ABLIM2: variants seen among roughly 807,000 people sequenced by gnomAD.
ABLIM2 encodes actin-binding LIM protein 2.
A neutral mutation model predicts 97.7 loss-of-function variants in ABLIM2; 53 were observed. The ratio of observed to expected loss-of-function variants is 0.54; its 90% CI spans 0.44 to 0.68. The LOEUF (loss-of-function observed/expected upper bound fraction) is 0.68, where lower values mean the gene tolerates loss of function less well. Among genes scored for constraint, ABLIM2 ranks in the 30% least tolerant of loss-of-function variants. The pLI is 0.00. For missense variants in ABLIM2, 835 were observed against 867.2 expected, an observed-to-expected ratio of 0.96 and a Z score of 0.47; for synonymous variants, 361 against 345.8, an observed-to-expected ratio of 1.04 and a Z score of -0.49.
intron 9 of ABLIM2, 38 bp from the exon 10 acceptor site, chr4:8,036,333 C>T (rs1784436995): frequency 6.2e-7 from 1 of 1,606,612 alleles, no homozygotes; most frequent in African/African-American, 1.3e-5. Context: ...GGACAGTCAC[C>T]AGATGCACCC....
chr4:8,008,328 T>A, intron 15 of ABLIM2, 128 bp from the exon 16 acceptor site: 1 of 852,536 alleles, frequency 1.2e-6, no homozygotes, highest in Non-Finnish European at 1.8e-6. Flanking sequence ...GAAAACTCAA[T>A]ATGTGAGAGA....
intron 8 of ABLIM2, among the ~76,000 whole-genome samples, chr4:8,051,380 C>T (rs1795941647): frequency 1.5e-5 from 1 of 66,494 alleles, no homozygotes; most frequent in Non-Finnish European, 3.0e-5. Context: ...AACCCTGTCT[C>T]TACTAAAAAA....
intron 10 of ABLIM2, among the ~76,000 whole-genome samples, chr4:8,031,008 G>A (rs1051722819): frequency 5.9e-5 from 9 of 152,222 alleles, no homozygotes; most frequent in Non-Finnish European, 8.8e-5. Context: ...GGAGCCAAGC[G>A]GAGAAGCCAC....
intron 14 of ABLIM2, among the ~76,000 whole-genome samples, chr4:8,011,630 G>C (rs1221604381): frequency 1.3e-5 from 2 of 152,230 alleles, no homozygotes; most frequent in Non-Finnish European, 2.9e-5. Flanking sequence ...CTAACTTTGA[G>C]GCTAATTTGC....
intron 9 of ABLIM2, among the ~76,000 whole-genome samples, chr4:8,039,022 G>A (rs1292824998): frequency 6.6e-6 from 1 of 152,080 alleles, no homozygotes; most frequent in Admixed American, 6.5e-5. Context: ...CCTCCTCGAG[G>A]CTTCCTTCCC....
rs1716262091 is a variant in ABLIM2 at position 8,158,757 on chromosome 4, C to A, written c.-68G>T. ...GCCAGACCCTCGGGCCCGCAGGTGC[C>A]GCGCCCGCGCTATCCTCCGCCCGCC... On this transcript the variant is annotated 5_prime_UTR_variant, in exon 1 of 21. Coordinates refer to ENST00000447017, the MANE Select transcript of ABLIM2 (RefSeq NM_001130083.2). 2 of 1,306,490 alleles carry A rather than the reference C, an allele frequency of 1.5e-6. No individual in the cohort carries two copies. The highest frequency in any genetic ancestry group is 2.1e-5 in the South Asian group (1 of 46,630). The allele number at this position is 1,306,490 out of a possible 1,614,324, so 80.9% of individuals were successfully genotyped here.
rs1159471302 is a variant in ABLIM2 at position 8,032,007 on chromosome 4, G to T, written c.1048-2231C>A. On this transcript the variant is annotated intron_variant, in intron 10 of 20. Transcript: ENST00000447017. This position sits in a 1 kb window ranked among gnomAD's most constrained non-coding sequence, Gnocchi z 4.3. ...CTCCCAAAGTGCTGGGATTACAGGT[G>T]TGAGCCACCACGCCCAGCCTATGAA... is the stretch of plus-strand genomic sequence containing the variant. 6.6e-6 allele frequency among the ~76,000 whole-genome samples: 1 copy of T among 152,042 alleles called. No individual in the cohort carries two copies. Among genetic ancestry groups the T allele is most frequent in the Non-Finnish European group, 1.5e-5 (1 of 68,002 alleles).
chr4:8,041,087 A>G (rs1257290835), intron 9 of ABLIM2, among the ~76,000 whole-genome samples: 2 of 152,208 alleles, frequency 1.3e-5, no homozygotes, highest in Non-Finnish European at 2.9e-5. Flanking sequence ...TTGTGAGCAC[A>G]CCTACTTGGC....
chr4:8,144,725 G>A (rs1851520900), intron 1 of ABLIM2, among the ~76,000 whole-genome samples: 1 of 152,214 alleles, frequency 6.6e-6, no homozygotes, highest in Non-Finnish European at 1.5e-5. Context: ...GTGTGAAGAG[G>A]ACTCACAGAG....
rs979267890 is a variant in ABLIM2 at position 7,970,273 on chromosome 4, G to A, written c.1825-3170C>T. Reference sequence around the variant, plus strand: ...GAGTTCAGTGCTGGTGCCTGGGGCAGGCCTCCCTGTGGCCACATTCCTGCT... The same window carrying A: ...GAGTTCAGTGCTGGTGCCTGGGGCAAGCCTCCCTGTGGCCACATTCCTGCT... On this transcript the variant is annotated intron_variant, in intron 20 of 20. Transcript: ENST00000447017. The surrounding 1 kb of genome is among the most constrained non-coding windows in gnomAD (Gnocchi z 5.3). 2.0e-5 allele frequency among the ~76,000 whole-genome samples: 3 copies of A among 152,146 alleles called. No individual in the cohort carries two copies. The highest frequency in any genetic ancestry group is 4.4e-5 in the Non-Finnish European group (3 of 68,038).
At chr4:8,091,501 T>A (rs1226505947) in intron 3 of ABLIM2, among the ~76,000 whole-genome samples, 1 of 44,842 alleles carries the variant, frequency 2.2e-5, no homozygotes, top group Non-Finnish European at 4.2e-5. Flanking sequence ...TTTATATATT[T>A]TGTATAAAAT....
Position 7,991,520 on chromosome 4 carries a change from A to C in ABLIM2, c.1680+1346T>G, listed in dbSNP as rs947365432. ...CCCCAGGACCCCTAACATTGAGCTC[A>C]GGGATTTGCACGTCTTTTGGTGTCG... On this transcript the variant is annotated intron_variant, in intron 17 of 20. Transcript: ENST00000447017. 2.3e-5 allele frequency among the ~76,000 whole-genome samples: 3 copies of C among 131,512 alleles called. No homozygotes were observed. In the Admixed American group the frequency reaches 2.3e-4, roughly 10 times the overall value. The allele number at this position is 131,512 out of a possible 152,430, so 86.3% of individuals were successfully genotyped here.
At chr4:8,073,185 G>A (rs1813523986) in intron 6 of ABLIM2, among the ~76,000 whole-genome samples, 2 of 151,664 alleles carry the variant, frequency 1.3e-5, no homozygotes, top group Admixed American at 6.6e-5. Context: ...GATGGCCAGA[G>A]CGGCTGGACC....
At chr4:8,154,482 A>G (rs187645071) in intron 1 of ABLIM2, among the ~76,000 whole-genome samples, 3,896 of 113,726 alleles carry the variant, frequency 0.034, 156 homozygotes, top group African/African-American at 0.11. Flanking sequence ...GGGTTTCACC[A>G]TGTTGGCCAG....
chr4:8,053,743 C>T (rs114163867), intron 8 of ABLIM2, among the ~76,000 whole-genome samples: 4 of 152,150 alleles, frequency 2.6e-5, no homozygotes, highest in African/African-American at 9.6e-5. Context: ...CATGAGGGCT[C>T]TGCCTTCCTG....
chr4:8,102,341 C>A (rs1835063815), intron 2 of ABLIM2, among the ~76,000 whole-genome samples: 1 of 152,212 alleles, frequency 6.6e-6, no homozygotes, highest in Non-Finnish European at 1.5e-5. Context: ...AGCCTGACCA[C>A]CCAGTTTGCA....
rs535404775 is a variant in ABLIM2, at chr4:7,970,235, G to T, written c.1825-3132C>A. 2.0e-5 allele frequency among the ~76,000 whole-genome samples: 3 copies of T among 152,140 alleles called. No individual in the cohort carries two copies. The highest frequency in any genetic ancestry group is 2.0e-4 in the Admixed American group (3 of 15,272). On this transcript the variant is annotated intron_variant, in intron 20 of 20. Transcript: ENST00000447017. This position sits in a 1 kb window ranked among gnomAD's most constrained non-coding sequence, Gnocchi z 5.3. The stretch of plus-strand genomic sequence containing the variant: ...ATGTAAAGGAGGGGAGGCTGACACC[G>T]GAAGGGCGAGGAGAGTTCAGTGCTG...
rs1289566224 is a variant in ABLIM2, at chr4:7,970,554, G to C, written c.1825-3451C>G. ...AGGGCAGGCTTGAGGATGACACCAT[G>C]TGCTCCAGGCTGTGGGAGCCTCTGG... is the stretch of plus-strand genomic sequence containing the variant. On this transcript the variant is annotated intron_variant, in intron 20 of 20. Coordinates refer to ENST00000447017, the MANE Select transcript of ABLIM2 (RefSeq NM_001130083.2). The surrounding 1 kb of genome is among the most constrained non-coding windows in gnomAD (Gnocchi z 5.3). Among the ~76,000 whole-genome samples, 1 of 152,088 alleles carries C rather than the reference G, an allele frequency of 6.6e-6. No homozygotes were observed. The highest frequency in any genetic ancestry group is 1.9e-4 in the East Asian group (1 of 5,138).
At position 7,986,014 on chromosome 4, in the gene ABLIM2, G is replaced by A. The variant is rs1474487453; in HGVS notation, c.1681-1121C>T. Among the ~76,000 whole-genome samples the A allele has an allele frequency of 6.6e-6, 1 of 152,210 alleles. No homozygotes were observed. Among genetic ancestry groups the A allele is most frequent in the Non-Finnish European group, 1.5e-5 (1 of 68,036 alleles). On this transcript the variant is annotated intron_variant, in intron 17 of 20. Transcript: ENST00000447017. The surrounding 1 kb of genome is among the most constrained non-coding windows in gnomAD (Gnocchi z 4.3). Reference sequence around the variant, plus strand: ...TGAGCCCTGAGCCATGCTCTGTTGCGGTTGTGCCTTGGCTGCCCGCGGTGG... The same window carrying A: ...TGAGCCCTGAGCCATGCTCTGTTGCAGTTGTGCCTTGGCTGCCCGCGGTGG...
Sources: gnomAD v4.1 joint callset for allele counts (sites outside exome capture counted in the v4.1 genomes callset) on GRCh38, gnomAD v4.1.1 for gene constraint, Gnocchi (gnomAD v3.1) non-coding constraint, MANE v1.5 for transcripts, NCBI Gene and HGNC (gene_info 2026-07-23, HGNC 2026-07-21) for gene names.